PLCG2: variants seen among roughly 807,000 people sequenced by gnomAD.
PLCG2 encodes 1-phosphatidylinositol 4,5-bisphosphate phosphodiesterase gamma-2.
PLCG2 carries 69 observed loss-of-function variants against 175.6 expected under a neutral mutation model. That is an observed-to-expected ratio of 0.39 (90% confidence interval 0.32 to 0.48). The LOEUF (loss-of-function observed/expected upper bound fraction) is 0.48, where lower values mean the gene tolerates loss of function less well. PLCG2 is among the 20% of genes least tolerant of loss of function. PLCG2 has a pLI of 0.91. For missense variants in PLCG2, 1,798 were observed against 1,650.9 expected, an observed-to-expected ratio of 1.09 and a Z score of -1.54; for synonymous variants, 827 against 624.0, an observed-to-expected ratio of 1.33 and a Z score of -4.85.
intron 2 of PLCG2, among the ~76,000 whole-genome samples, chr16:81,837,048 A>G (rs1439691131): frequency 6.6e-6 from 1 of 152,224 alleles, no homozygotes; most frequent in Non-Finnish European, 1.5e-5. Context: ...CATCAGTTAC[A>G]ACTCTAGAAT....
chr16:81,935,449 A>C (rs1421509794), intron 26 of PLCG2: 1 of 829,620 alleles, frequency 1.2e-6, no homozygotes, highest in African/African-American at 1.8e-5. Flanking sequence ...ACCTTCTACC[A>C]CATTCTCCAG....
At chr16:81,748,652 T>G (rs1202198828) in intron 1 of PLCG2, among the ~76,000 whole-genome samples, 1 of 152,044 alleles carries the variant, frequency 6.6e-6, no homozygotes, top group Non-Finnish European at 1.5e-5. Context: ...TGCAAAAAAA[T>G]AACTTCAAAG....
intron 2 of PLCG2, among the ~76,000 whole-genome samples, chr16:81,826,844 A>G (rs1905068043): frequency 6.6e-6 from 1 of 152,162 alleles, no homozygotes; most frequent in Non-Finnish European, 1.5e-5. Flanking sequence ...GCCGGAGACA[A>G]TTTTGAGTAA....
At position 81,961,174 on chromosome 16, in the gene PLCG2, G is replaced by A; in HGVS notation, c.*3176G>A. 1 of 229,250 alleles carries A rather than the reference G, an allele frequency of 4.4e-6. No homozygotes were observed. The highest frequency in any genetic ancestry group is 2.2e-5 in the African/African-American group (1 of 45,234). 14.2% of individuals were successfully genotyped at this position (229,250 alleles called of 1,614,324 possible). A position where few individuals can be genotyped will look rare whatever the true frequency, so the allele number is the denominator to read the frequency against. On this transcript the variant is annotated 3_prime_UTR_variant, in exon 33 of 33. Transcript: ENST00000564138. Reference sequence around the variant, plus strand: ...TCTCTTAGCATGTAACTACAAAGGGGTTGGAAGAATTCAGTGATTCTGCTA... The same window carrying A: ...TCTCTTAGCATGTAACTACAAAGGGATTGGAAGAATTCAGTGATTCTGCTA...
intron 1 of PLCG2, among the ~76,000 whole-genome samples, chr16:81,749,368 C>T (rs1239242131): frequency 1.3e-5 from 2 of 151,610 alleles, no homozygotes; most frequent in East Asian, 1.9e-4. Flanking sequence ...TATTTTTTTG[C>T]GATGGAGTCT....
chr16:81,795,411 C>G (rs890703743), intron 2 of PLCG2, among the ~76,000 whole-genome samples: 6 of 152,164 alleles, frequency 3.9e-5, no homozygotes, highest in Admixed American at 1.3e-4. Context: ...GGCATAGCAA[C>G]AAAGCTTTCC....
At chr16:81,879,436 T>A (rs74943801) in intron 7 of PLCG2, among the ~76,000 whole-genome samples, 2 of 152,196 alleles carry the variant, frequency 1.3e-5, no homozygotes, top group Admixed American at 6.5e-5. Context: ...CTTAACCTTT[T>A]GGTGGGACCT....
At chr16:81,835,573 G>C (rs1268458346) in intron 2 of PLCG2, among the ~76,000 whole-genome samples, 1 of 147,902 alleles carries the variant, frequency 6.8e-6, no homozygotes, top group Non-Finnish European at 1.5e-5. Flanking sequence ...AGCAAGACTC[G>C]GTCTCAAATA....
chr16:81,786,039 A>G lies in PLCG2; in HGVS notation c.50A>G (p.Gln17Arg), dbSNP rs757826017. 23 of 1,614,114 alleles carry G rather than the reference A, an allele frequency of 1.4e-5. No individual in the cohort carries two copies. The highest frequency in any genetic ancestry group is 1.9e-5 in the Non-Finnish European group (23 of 1,180,046). The change falls in exon 2 of 33, where the codon CAG becomes CGG. Residue 17 changes from glutamine (Q) to arginine (R), a missense_variant. Transcript: ENST00000564138. ...VDSLAEYEKS[Q>R]IKRALELGTV... ...TCCCTTGCGGAATATGAGAAGAGCC[A>G]GATCAAGAGAGCCCTGGAGCTGGGG...
At position 81,897,981 on chromosome 16, in the gene PLCG2, G is replaced by A. The variant is rs967533861; in HGVS notation, c.1193+2054G>A. 25 of 413,966 alleles carry A rather than the reference G, an allele frequency of 6.0e-5. 1 individual carries two copies. The highest frequency in any genetic ancestry group is 6.9e-4 in the Middle Eastern group (2 of 2,884). The allele number at this position is 413,966 out of a possible 1,614,324, so 25.6% of individuals were successfully genotyped here. A position where few individuals can be genotyped will look rare whatever the true frequency, so the allele number is the denominator to read the frequency against. ...AATGAAGGCATATGATTTCTCCATC[G>A]CAGCATTCTCCCCTGTGGGGTCCTA... On this transcript the variant is annotated intron_variant, in intron 13 of 32. Transcript: ENST00000564138.
At chr16:81,930,159 A>T (rs1910441096) in intron 24 of PLCG2, among the ~76,000 whole-genome samples, 1 of 151,978 alleles carries the variant, frequency 6.6e-6, no homozygotes, top group Non-Finnish European at 1.5e-5. Flanking sequence ...TAATGTAGCA[A>T]GAGCTCAAAA....
At chr16:81,874,096 CT>C (rs1457047469) in intron 7 of PLCG2, among the ~76,000 whole-genome samples, 2 of 152,168 alleles carry the variant, frequency 1.3e-5, no homozygotes, top group Non-Finnish European at 2.9e-5. Flanking sequence ...GAGCCTGCCC[CT>C]GGTTGTACTT....
At chr16:81,855,512 T>C (rs1348956692) in intron 3 of PLCG2, among the ~76,000 whole-genome samples, 1 of 152,232 alleles carries the variant, frequency 6.6e-6, no homozygotes, top group Non-Finnish European at 1.5e-5. Flanking sequence ...TATTAATTTC[T>C]CATTCATTCT....
intron 27 of PLCG2, among the ~76,000 whole-genome samples, chr16:81,936,762 C>T (rs1008355888): frequency 1.3e-5 from 2 of 152,216 alleles, no homozygotes; most frequent in Admixed American, 6.5e-5. Flanking sequence ...GCATAACTAA[C>T]ATACACAAAC....
rs763441688 is a variant in PLCG2, at chr16:81,908,403, C to G, written c.1558-13C>G. 1 of 1,611,416 alleles carries G rather than the reference C, an allele frequency of 6.2e-7. No individual in the cohort carries two copies. Among genetic ancestry groups the G allele is most frequent in the Non-Finnish European group, 8.5e-7 (1 of 1,178,380 alleles). The stretch of plus-strand genomic sequence containing the variant: ...CAAGGCTTTCAGAAACCCCTCCTCT[C>G]TTTGCGGCCCAGGATATACCCCCTA... On this transcript the variant is annotated splice_polypyrimidine_tract_variant and intron_variant, in intron 16 of 32. Transcript: ENST00000564138.
chr16:81,935,594 C>G (rs1339232338), intron 26 of PLCG2: 1 of 985,168 alleles, frequency 1.0e-6, no homozygotes, highest in African/African-American at 1.7e-5. Context: ...GGAGGCCAGT[C>G]CCTAGGAACT....
chr16:81,740,410 T>C (rs539101887), intron 1 of PLCG2: 1 of 152,358 alleles, frequency 6.6e-6, no homozygotes, highest in Non-Finnish European at 1.5e-5. Flanking sequence ...AATGAGCACA[T>C]CCCTGGGGCT....
At position 81,937,913 on chromosome 16, in the gene PLCG2, G is replaced by C. The variant is rs758226937; in HGVS notation, c.3198+10G>C. ...GACGCTGACAGTCAAGGTAAAGCCA[G>C]CCCTCCCTTCCTGCCAGGGGAGCCA... On this transcript the variant is annotated intron_variant, in intron 28 of 32. Coordinates refer to ENST00000564138, the MANE Select transcript of PLCG2 (RefSeq NM_002661.5). 1 of 1,613,554 alleles carries C rather than the reference G, an allele frequency of 6.2e-7. No individual in the cohort carries two copies. The highest frequency in any genetic ancestry group is 1.1e-5 in the South Asian group (1 of 91,018).
chr16:81,777,915 G>C (rs376315313), upstream of PLCG2, among the ~76,000 whole-genome samples: 10 of 151,302 alleles, frequency 6.6e-5, no homozygotes, highest in East Asian at 3.9e-4. Flanking sequence ...TACTCAGGAG[G>C]CTGAGGCAGG....
Sources: allele counts gnomAD v4.1 joint callset (sites outside exome capture counted in the v4.1 genomes callset), GRCh38; gene constraint gnomAD v4.1.1; transcripts MANE v1.5; gene names NCBI Gene and HGNC (gene_info 2026-07-23, HGNC 2026-07-21).